LIN52: variants seen among roughly 807,000 people sequenced by gnomAD.
LIN52 encodes the protein protein lin-52 homolog.
A neutral mutation model predicts 18.5 loss-of-function variants in LIN52; 4 were observed. The ratio of observed to expected loss-of-function variants is 0.22; its 90% CI spans 0.11 to 0.49. LIN52 has a LOEUF of 0.49. Ranked by LOEUF, LIN52 falls within the 20% of genes least tolerant of loss-of-function variation. LIN52 has a pLI of 0.97. For synonymous variants in LIN52, 34 were observed against 45.5 expected (o/e 0.75, Z 1.02); for missense variants, 102 against 139.5 (o/e 0.73, Z 1.35).
chr14:74,120,288 T>G (rs1311560769), intron 5 of LIN52, among the ~76,000 whole-genome samples: 1 of 152,200 alleles, frequency 6.6e-6, no homozygotes, highest in African/African-American at 2.4e-5. Flanking sequence ...AAAGAGTTTT[T>G]TCCCCCAACT....
At chr14:74,097,978 C>A in intron 4 of LIN52, 118 bp downstream of exon 4, 1 of 689,034 alleles carries the variant, frequency 1.5e-6, no homozygotes, top group South Asian at 1.8e-5. Context: ...CTCATTTAAA[C>A]CTCCTTATTT....
intron 5 of LIN52, among the ~76,000 whole-genome samples, chr14:74,195,713 A>T (rs2078908602): frequency 6.6e-6 from 1 of 152,282 alleles, no homozygotes; most frequent in African/African-American, 2.4e-5. Context: ...TCTGTGTCTG[A>T]TGTCTTGCAA....
chr14:74,099,926 G>A (rs760358496), intron 4 of LIN52, among the ~76,000 whole-genome samples: 4 of 152,240 alleles, frequency 2.6e-5, no homozygotes, highest in Non-Finnish European at 4.4e-5. Context: ...AATTGTAACT[G>A]TGATGGTGAA....
chr14:74,130,182 A>G (rs1212220852), intron 5 of LIN52, among the ~76,000 whole-genome samples: 2 of 151,932 alleles, frequency 1.3e-5, no homozygotes, highest in African/African-American at 4.8e-5. Flanking sequence ...GGATGTGAAC[A>G]AAGAGCCAAA....
intron 5 of LIN52, among the ~76,000 whole-genome samples, chr14:74,119,860 A>T (rs1595162493): frequency 7.2e-6 from 1 of 139,574 alleles, no homozygotes; most frequent in African/African-American, 2.7e-5. Flanking sequence ...TTTTAGATGG[A>T]GTTTCACTCT....
chr14:74,195,349 G>T (rs1247299926), intron 5 of LIN52, among the ~76,000 whole-genome samples: 2 of 152,164 alleles, frequency 1.3e-5, no homozygotes, highest in Non-Finnish European at 2.9e-5. Context: ...ATTATACCAA[G>T]CTACAACCAT....
At chr14:74,166,145 C>T (rs2061248929) in intron 5 of LIN52, among the ~76,000 whole-genome samples, 1 of 151,446 alleles carries the variant, frequency 6.6e-6, no homozygotes, top group African/African-American at 2.4e-5. Context: ...CCCACCTCAG[C>T]CTCCCAAAGT....
At chr14:74,170,592 G>C (rs982918837) in intron 5 of LIN52, among the ~76,000 whole-genome samples, 1 of 151,894 alleles carries the variant, frequency 6.6e-6, no homozygotes, top group Non-Finnish European at 1.5e-5. Flanking sequence ...GAGTTTAAAT[G>C]TTCCATTTTC....
intron 5 of LIN52, among the ~76,000 whole-genome samples, chr14:74,144,595 G>A (rs1413169833): frequency 1.6e-5 from 2 of 122,402 alleles, no homozygotes; most frequent in Non-Finnish European, 3.4e-5. Flanking sequence ...CCTATAAAAT[G>A]AGCACCTGGC....
chr14:74,155,479 GA>G, intron 5 of LIN52, among the ~76,000 whole-genome samples: 1 of 152,204 alleles, frequency 6.6e-6, no homozygotes, highest in Non-Finnish European at 1.5e-5. Flanking sequence ...GGAGGTAATT[GA>G]ATTTTGAACA....
intron 5 of LIN52, among the ~76,000 whole-genome samples, chr14:74,168,132 T>C (rs1055913894): frequency 6.6e-6 from 1 of 152,236 alleles, no homozygotes; most frequent in Non-Finnish European, 1.5e-5. Flanking sequence ...CTGCAGGTTA[T>C]TAGGTGGGAG....
intron 5 of LIN52, among the ~76,000 whole-genome samples, chr14:74,180,485 C>T (rs899222875): frequency 1.3e-4 from 20 of 151,668 alleles, no homozygotes; most frequent in African/African-American, 4.6e-4. Flanking sequence ...GTCTCGATCT[C>T]CTGACCTCGT....
intron 5 of LIN52, among the ~76,000 whole-genome samples, chr14:74,108,689 A>C (rs1595156014): frequency 1.3e-5 from 2 of 152,146 alleles, no homozygotes; most frequent in South Asian, 4.1e-4. Context: ...TCTTCTTTGG[A>C]GAACTATCAA....
intron 5 of LIN52, among the ~76,000 whole-genome samples, chr14:74,112,784 T>TTACTGCCCTCTTGTAGATTAAAATCTAG (rs2060937929): frequency 6.6e-6 from 1 of 152,152 alleles, no homozygotes; most frequent in African/African-American, 2.4e-5. Flanking sequence ...AGGAAGATAA[T>TTACTGCCCTCTTGTAGATTAAAATCTAG]TACTGCCCTC....
intron 5 of LIN52, among the ~76,000 whole-genome samples, chr14:74,172,206 G>A (rs1191305288): frequency 6.6e-6 from 1 of 152,076 alleles, no homozygotes; most frequent in Non-Finnish European, 1.5e-5. Context: ...ATATTATAAT[G>A]GTATATGTAT....
At chr14:74,167,025 A>G (rs1295209412) in intron 5 of LIN52, among the ~76,000 whole-genome samples, 1 of 151,292 alleles carries the variant, frequency 6.6e-6, no homozygotes, top group Non-Finnish European at 1.5e-5. Context: ...TTCAAGAGTC[A>G]TAGTGCAAAT....
intron 5 of LIN52, among the ~76,000 whole-genome samples, chr14:74,185,740 T>C (rs2061338404): frequency 6.6e-6 from 1 of 152,132 alleles, no homozygotes; most frequent in African/African-American, 2.4e-5. Flanking sequence ...TGGATGCAGC[T>C]TAAGGTTTCT....
intron 5 of LIN52, among the ~76,000 whole-genome samples, chr14:74,193,128 A>G (rs1025113479): frequency 2.0e-5 from 3 of 152,086 alleles, no homozygotes; most frequent in Admixed American, 6.6e-5. Flanking sequence ...CATTAGTGGC[A>G]TGCTCATTCA....
At chr14:74,195,042 A>T (rs182269725) in intron 5 of LIN52, among the ~76,000 whole-genome samples, 275 of 152,216 alleles carry the variant, frequency 1.8e-3, no homozygotes, top group Non-Finnish European at 3.1e-3. Flanking sequence ...GCTACTTGAG[A>T]GACTGTGGCA....
Sources: allele counts gnomAD v4.1 joint callset (sites outside exome capture counted in the v4.1 genomes callset), GRCh38; gene constraint gnomAD v4.1.1; transcripts MANE v1.5; gene names NCBI Gene and HGNC (gene_info 2026-07-23, HGNC 2026-07-21).